Variants in PRUNE2 observed in about 807,000 individuals in gnomAD.
The protein encoded by PRUNE2 is protein prune homolog 2.
PRUNE2 carries 164 observed loss-of-function variants against 252.0 expected under a neutral mutation model. That is an observed-to-expected ratio of 0.65 (90% CI 0.57 to 0.74). PRUNE2 has a LOEUF of 0.74. PRUNE2 is among the 30% of genes least tolerant of loss of function. PRUNE2 has a pLI of 0.00. For missense variants in PRUNE2, 3,495 were observed against 3,711.0 expected, an observed-to-expected ratio of 0.94 and a Z score of 1.51; for synonymous variants, 1,292 against 1,350.2, an observed-to-expected ratio of 0.96 and a Z score of 0.94.
chr9:76,714,279 G>A (rs1402003643), intron 6 of PRUNE2, among the ~76,000 whole-genome samples: 1 of 152,194 alleles, frequency 6.6e-6, no homozygotes, highest in African/African-American at 2.4e-5. Flanking sequence ...TGTGGCAGCT[G>A]TGGAGGAATG....
intron 4 of PRUNE2, among the ~76,000 whole-genome samples, chr9:76,840,129 G>A (rs531342694): frequency 6.6e-6 from 1 of 152,056 alleles, no homozygotes; most frequent in African/African-American, 2.4e-5. Context: ...TAAAGTCTTG[G>A]AACTAAACAA....
chr9:76,709,209 C>T lies in PRUNE2; in HGVS notation c.3065G>A (p.Arg1022Gln), dbSNP rs374436969. 8.6e-5 allele frequency: 90 copies of T among 1,046,354 alleles called. No homozygotes were observed. In the African/African-American group the frequency reaches 1.1e-3, roughly 13 times the overall value. 64.8% of individuals were successfully genotyped at this position (1,046,354 alleles called of 1,614,324 possible). Residue 1022 changes from arginine (R) to glutamine (Q), a missense_variant, in exon 8 of 19, where the codon CGA (arginine) becomes CAA (glutamine). Arg to Gln is a conservative substitution (Grantham distance 43). Coordinates refer to ENST00000376718, the MANE Select transcript of PRUNE2 (RefSeq NM_015225.3). ...TAGGTTCCCAGGACCTGAACTGATT[C>T]GATTTCGAGATGACTGTTGCAGTGA... The part of the protein sequence containing the change: ...PQSLQQSSRN[R>Q]ISSGPGNLDM...
intron 1 of PRUNE2, among the ~76,000 whole-genome samples, chr9:76,874,232 T>A (rs2061367679): frequency 6.6e-6 from 1 of 152,196 alleles, no homozygotes; most frequent in Non-Finnish European, 1.5e-5. Flanking sequence ...AAAATATCAT[T>A]AGTACAGCAA....
chr9:76,655,529 TCAA>T (rs753640224), intron 9 of PRUNE2, 27 bp from the exon 10 acceptor site: 107 of 1,542,742 alleles, frequency 6.9e-5, no homozygotes, highest in Non-Finnish European at 8.9e-5. Flanking sequence ...GCAAAGCGCG[TCAA>T]CAACAACTGT....
chr9:76,834,985 A>AT (rs1255561797), intron 4 of PRUNE2, among the ~76,000 whole-genome samples: 1 of 152,222 alleles, frequency 6.6e-6, no homozygotes, highest in Non-Finnish European at 1.5e-5. Context: ...ACTGAAATCC[A>AT]TAAGGACGTA....
chr9:76,670,922 CA>C (rs1183134486), intron 9 of PRUNE2, among the ~76,000 whole-genome samples: 1 of 151,882 alleles, frequency 6.6e-6, no homozygotes, highest in Non-Finnish European at 1.5e-5. Flanking sequence ...CATCAAAGAC[CA>C]AAAGTAGATA....
intron 6 of PRUNE2, among the ~76,000 whole-genome samples, chr9:76,776,299 C>A (rs577974175): frequency 3.3e-5 from 5 of 152,182 alleles, no homozygotes; most frequent in African/African-American, 1.2e-4. Flanking sequence ...CGCCTTCCCA[C>A]CTTTTGGACT....
intron 1 of PRUNE2, among the ~76,000 whole-genome samples, chr9:76,892,062 A>AAC (rs2133516320): frequency 8.7e-6 from 1 of 114,538 alleles, no homozygotes; most frequent in Non-Finnish European, 1.8e-5. Context: ...AAGAGAAAGT[A>AAC]GCCCCCCCAG....
At chr9:76,830,542 C>T (rs1258574165) in intron 4 of PRUNE2, among the ~76,000 whole-genome samples, 1 of 151,682 alleles carries the variant, frequency 6.6e-6, no homozygotes, top group Non-Finnish European at 1.5e-5. Flanking sequence ...ATCCCAGCTA[C>T]TCTGGAGGCT....
In PRUNE2 at chr9:76,706,907, A is replaced by G; in HGVS notation, c.5367T>C (p.Ser1789=). The change falls in exon 8 of 19, where the codon TCT becomes TCC. Residue 1789 remains serine (S), a synonymous_variant. Coordinates refer to ENST00000376718, the MANE Select transcript of PRUNE2 (RefSeq NM_015225.3). The part of the protein sequence containing the change: ...ITAVEKEKRS[S]PETGTTGDVA... ...CATCTCCTGTTGTCCCTGTTTCTGG[A>G]GAAGATCTCTTCTCCTTCTCCACTG... 1 of 1,601,244 alleles carries G rather than the reference A, an allele frequency of 6.2e-7. No homozygotes were observed.
intron 9 of PRUNE2, among the ~76,000 whole-genome samples, chr9:76,681,430 T>C (rs184853855): frequency 6.6e-6 from 1 of 151,054 alleles, no homozygotes; most frequent in East Asian, 1.9e-4. Flanking sequence ...AATTTTATGT[T>C]ATGTGTTTCT....
At chr9:76,741,070 T>C (rs1224834561) in intron 6 of PRUNE2, among the ~76,000 whole-genome samples, 2 of 152,232 alleles carry the variant, frequency 1.3e-5, no homozygotes, top group African/African-American at 4.8e-5. Flanking sequence ...AAATAATCTA[T>C]GTGTAGGAAC....
At chr9:76,753,437 G>A (rs2050807276) in intron 6 of PRUNE2, among the ~76,000 whole-genome samples, 1 of 152,082 alleles carries the variant, frequency 6.6e-6, no homozygotes, top group South Asian at 2.1e-4. Context: ...GTTTTCTACT[G>A]CAACAAAATT....
At chr9:76,716,335 C>G (rs367748220) in intron 6 of PRUNE2, among the ~76,000 whole-genome samples, 1 of 152,212 alleles carries the variant, frequency 6.6e-6, no homozygotes, top group Middle Eastern at 3.2e-3. Context: ...CGGCAAAACA[C>G]TAGACCTATT....
In PRUNE2 at chr9:76,703,850, C is replaced by T. The variant is rs779719853; in HGVS notation, c.7763G>A (p.Gly2588Glu). 6.2e-7 allele frequency: 1 copy of T among 1,613,952 alleles called. No homozygotes were observed. Among genetic ancestry groups the T allele is most frequent in the Non-Finnish European group, 8.5e-7 (1 of 1,179,882 alleles). The change falls in exon 9 of 19, where the codon GGA becomes GAA. Residue 2588 changes from glycine to glutamate, a missense_variant. Gly to Glu is a moderately conservative substitution (Grantham distance 98). Transcript: ENST00000376718. ...YVGSKETGLQ[G>E]TQLASFPDTC... ...GTCTGGGAAGCTTGCTAACTGAGTT[C>T]CCTGCAGCCCTGTTTCTTTGGAACC...
At chr9:76,746,161 G>A (rs911341240) in intron 6 of PRUNE2, among the ~76,000 whole-genome samples, 12 of 152,140 alleles carry the variant, frequency 7.9e-5, no homozygotes, top group South Asian at 2.1e-4. Context: ...CCTAAAACCC[G>A]TGGACTCTCC....
At chr9:76,697,082 C>A (rs143868166) in intron 9 of PRUNE2, among the ~76,000 whole-genome samples, 1 of 152,288 alleles carries the variant, frequency 6.6e-6, no homozygotes, top group Admixed American at 6.5e-5. Context: ...ACCCTGCTTT[C>A]GAAAGTCATG....
rs917790724 is a variant in PRUNE2 at position 76,888,840 on chromosome 9, TTTG to T, written c.36+17085_36+17087del. ...TTCTCCCTCCAGCCTGTTAATGTTTTTTGTTGTTGTTGTTGTTTTTGAGACGGA... is the reference window on the plus strand; with the variant it reads ...TTCTCCCTCCAGCCTGTTAATGTTTTTTGTTGTTGTTGTTTTTGAGACGGA... On this transcript the variant is annotated intron_variant, in intron 1 of 18. Transcript: ENST00000376718. 2.7e-4 allele frequency among the ~76,000 whole-genome samples: 41 copies of T among 151,940 alleles called. 1 individual carries two copies. Among genetic ancestry groups the T allele is most frequent in the African/African-American group, 3.6e-4 (15 of 41,460 alleles).
At position 76,897,476 on chromosome 9, in the gene PRUNE2, T is replaced by C. The variant is rs567257403; in HGVS notation, c.36+8452A>G. On this transcript the variant is annotated intron_variant, in intron 1 of 18. Coordinates refer to ENST00000376718, the MANE Select transcript of PRUNE2 (RefSeq NM_015225.3). Reference sequence around the variant, plus strand: ...CCAGTCTGGAAGGAGTGCAGAGGCATGATCTCGGCTCACTGCAACCTCCAC... The same window carrying C: ...CCAGTCTGGAAGGAGTGCAGAGGCACGATCTCGGCTCACTGCAACCTCCAC... 2.9e-5 allele frequency among the ~76,000 whole-genome samples: 4 copies of C among 136,116 alleles called. No homozygotes were observed. The South Asian group carries it at 7.8e-4, about 26-fold the overall frequency. The allele number at this position is 136,116 out of a possible 152,430, so 89.3% of individuals were successfully genotyped here.
Sources: gnomAD v4.1 joint callset for allele counts (sites outside exome capture counted in the v4.1 genomes callset) on GRCh38, gnomAD v4.1.1 for gene constraint, MANE v1.5 for transcripts, NCBI Gene and HGNC (gene_info 2026-07-23, HGNC 2026-07-21) for gene names.